The following HDLBP variants were observed in gnomAD, a reference collection of about 807,000 sequenced individuals.
The protein encoded by HDLBP is vigilin.
A neutral mutation model predicts 137.3 loss-of-function variants in HDLBP; 30 were observed. That is an observed-to-expected ratio of 0.22 (90% CI 0.16 to 0.30). The LOEUF (loss-of-function observed/expected upper bound fraction) is 0.30, where lower values mean the gene tolerates loss of function less well. Ranked by LOEUF, HDLBP falls within the 10% of genes least tolerant of loss-of-function variation. HDLBP has a pLI of 1.00. For synonymous variants in HDLBP, 606 were observed against 596.0 expected, an observed-to-expected ratio of 1.02 and a Z score of -0.24; for missense variants, 1,119 against 1,667.3, an observed-to-expected ratio of 0.67 and a Z score of 5.73.
At chr2:241,263,822 G>A (rs1351955595) in intron 4 of HDLBP, among the ~76,000 whole-genome samples, 1 of 152,082 alleles carries the variant, frequency 6.6e-6, no homozygotes, top group Non-Finnish European at 1.5e-5. Flanking sequence ...CAGAAAACAG[G>A]ACCCATTCAT....
At position 241,233,298 on chromosome 2, in the gene HDLBP, T is replaced by C. The variant is rs1038241229; in HGVS notation, c.3288+522A>G. Among the ~76,000 whole-genome samples the C allele has an allele frequency of 2.6e-5, 4 of 152,134 alleles. No individual in the cohort carries two copies. The highest frequency in any genetic ancestry group is 5.9e-5 in the Non-Finnish European group (4 of 68,012). On this transcript the variant is annotated intron_variant, in intron 24 of 27. Coordinates refer to ENST00000310931, the MANE Select transcript of HDLBP (RefSeq NM_005336.6). The surrounding 1 kb of genome is among the most constrained non-coding windows in gnomAD (Gnocchi z 4.3). Reference sequence around the variant, plus strand: ...AGAGAGGGGATGGGGCTGCCTTTCATTTTGTTCTGAGTGAAGCAGGAGGCC... The same window carrying C: ...AGAGAGGGGATGGGGCTGCCTTTCACTTTGTTCTGAGTGAAGCAGGAGGCC...
chr2:241,310,733 T>C (rs1324269484), intron 1 of HDLBP, among the ~76,000 whole-genome samples: 1 of 151,946 alleles, frequency 6.6e-6, no homozygotes, highest in African/African-American at 2.4e-5. Flanking sequence ...GAACATGAGT[T>C]GCAAATAAAC....
Position 241,238,823 on chromosome 2 carries a change from A to G in HDLBP, c.2611-36T>C. 1 of 1,484,254 alleles carries G rather than the reference A, an allele frequency of 6.7e-7. No individual in the cohort carries two copies. The highest frequency in any genetic ancestry group is 2.2e-5 in the Admixed American group (1 of 45,946). The allele number at this position is 1,484,254 out of a possible 1,614,324, so 91.9% of individuals were successfully genotyped here. On this transcript the variant is annotated intron_variant, in intron 19 of 27. Transcript: ENST00000310931. This position sits in a 1 kb window ranked among gnomAD's most constrained non-coding sequence, Gnocchi z 4.9. ...GTACACAAAGAAAAAAGAAAAGAGC[A>G]AAGATTAAATTCCTTAGGGCAAGTT...
chr2:241,264,720 G>T (rs2073515114), intron 3 of HDLBP, 115 bp from the exon 4 acceptor site: 5 of 1,007,624 alleles, frequency 5.0e-6, no homozygotes, highest in Non-Finnish European at 7.4e-6. Flanking sequence ...AATGCTCCAA[G>T]GACAACTCCC....
At position 241,272,410 on chromosome 2, in the gene HDLBP, G is replaced by C; in HGVS notation, c.-102-3869C>G. 1 of 984,462 alleles carries C rather than the reference G, an allele frequency of 1.0e-6. No individual in the cohort carries two copies. Among genetic ancestry groups the C allele is most frequent in the Non-Finnish European group, 1.2e-6 (1 of 829,594 alleles). The allele number at this position is 984,462 out of a possible 1,614,324, so 61.0% of individuals were successfully genotyped here. A position where few individuals can be genotyped will look rare whatever the true frequency, so the allele number is the denominator to read the frequency against. The stretch of plus-strand genomic sequence containing the variant: ...CGCGCCGTGCGGCCACGGCACCAGG[G>C]GTGCCCCACCGAAGCCCCGGGAGGA... On this transcript the variant is annotated intron_variant, in intron 1 of 27. Coordinates refer to ENST00000310931, the MANE Select transcript of HDLBP (RefSeq NM_005336.6). The surrounding 1 kb of genome is among the most constrained non-coding windows in gnomAD (Gnocchi z 5.6).
chr2:241,236,852 C>T, intron 20 of HDLBP, 83 bp from the exon 21 acceptor site: 1 of 1,455,886 alleles, frequency 6.9e-7, no homozygotes, highest in South Asian at 1.3e-5. Flanking sequence ...GTCTGTGAGG[C>T]ACCTGCTGGG....
At chr2:241,299,741 C>T (rs1437239835) in intron 1 of HDLBP, among the ~76,000 whole-genome samples, 2 of 151,860 alleles carry the variant, frequency 1.3e-5, no homozygotes, top group Admixed American at 6.6e-5. Context: ...CGGTGAAACC[C>T]TATCTCTACT....
At position 241,242,555 on chromosome 2, in the gene HDLBP, C is replaced by T. The variant is rs140921483; in HGVS notation, c.2074G>A (p.Val692Met). Residue 692 changes from valine to methionine, a missense_variant, in exon 17 of 28, where the codon GTG becomes ATG. By Grantham distance (21) the Val-to-Met change is conservative (BLOSUM62 1). Transcript: ENST00000310931. ...ACGGTGTCGCTTCCTGAACCTTCCA[C>T]GGGAAAGTGAATGTGGACCCCGCCG... ...ECGGVHIHFP[V>M]EGSGSDTVVI... 5.3e-5 allele frequency: 85 copies of T among 1,614,144 alleles called. No individual in the cohort carries two copies. Among genetic ancestry groups the T allele is most frequent in the Admixed American group, 1.3e-4 (8 of 60,014 alleles).
At chr2:241,236,448 T>C (rs2070456158) in intron 21 of HDLBP, 167 bp downstream of exon 21, 2 of 685,064 alleles carry the variant, frequency 2.9e-6, no homozygotes, top group South Asian at 1.8e-5. Context: ...CCAAACTCTG[T>C]GTCCAGCCGA....
chr2:241,288,819 A>C (rs1437192371), intron 1 of HDLBP, among the ~76,000 whole-genome samples: 1 of 152,250 alleles, frequency 6.6e-6, no homozygotes, highest in East Asian at 1.9e-4. Flanking sequence ...GGATGGGAAC[A>C]GAATGGCTGT....
At chr2:241,234,788 C>T (rs1178864333) in intron 23 of HDLBP, among the ~76,000 whole-genome samples, 1 of 152,234 alleles carries the variant, frequency 6.6e-6, no homozygotes, top group Non-Finnish European at 1.5e-5. Context: ...GATGCTCGTC[C>T]TCACTGCATA....
intron 21 of HDLBP, 174 bp downstream of exon 21, chr2:241,236,441 A>C (rs1225693197): frequency 3.0e-6 from 2 of 667,226 alleles, no homozygotes; most frequent in Non-Finnish European, 5.2e-6. Context: ...GGCCTCCCCA[A>C]ACTCTGTGTC....
At chr2:241,284,159 A>G (rs778457621) in intron 1 of HDLBP, among the ~76,000 whole-genome samples, 43 of 152,238 alleles carry the variant, frequency 2.8e-4, no homozygotes, top group Non-Finnish European at 5.4e-4. Flanking sequence ...TCTGCAGCCC[A>G]TGGATCAAGA....
chr2:241,268,501 G>A lies in HDLBP; in HGVS notation c.-62C>T. 1 of 985,918 alleles carries A rather than the reference G, an allele frequency of 1.0e-6. No individual in the cohort carries two copies. Among genetic ancestry groups the A allele is most frequent in the Non-Finnish European group, 1.2e-6 (1 of 829,956 alleles). 61.1% of individuals were successfully genotyped at this position (985,918 alleles called of 1,614,324 possible). The stretch of plus-strand genomic sequence containing the variant: ...CCAGCAAAACGGTCAGTAGCCAGAA[G>A]GTCCGTCCTGAGGCCGCCTCTGTCA... On this transcript the variant is annotated 5_prime_UTR_variant, in exon 2 of 28. Transcript: ENST00000310931.
chr2:241,265,972 G>A (rs973218991), intron 3 of HDLBP, among the ~76,000 whole-genome samples: 3 of 152,112 alleles, frequency 2.0e-5, no homozygotes, highest in African/African-American at 7.2e-5. Context: ...GTGTGACTAA[G>A]GAAAAGTTAA....
rs1365382789 is a variant in HDLBP, at chr2:241,256,580, G to C, written c.657+20C>G. 1.7e-5 allele frequency: 28 copies of C among 1,610,756 alleles called. No individual in the cohort carries two copies. Among genetic ancestry groups the C allele is most frequent in the Non-Finnish European group, 2.4e-5 (28 of 1,177,958 alleles). The stretch of plus-strand genomic sequence containing the variant: ...CACAAGCAGGTAGGCAGGGGCACGA[G>C]GCACTCACACAGGCCTCACCTGCTC... On this transcript the variant is annotated intron_variant, in intron 6 of 27. Coordinates refer to ENST00000310931, the MANE Select transcript of HDLBP (RefSeq NM_005336.6).
chr2:241,260,764 C>A (rs965942698), intron 5 of HDLBP, among the ~76,000 whole-genome samples: 1 of 152,190 alleles, frequency 6.6e-6, no homozygotes, highest in African/African-American at 2.4e-5. Context: ...GCACCACCTA[C>A]AGGGTCTTCT....
intron 1 of HDLBP, among the ~76,000 whole-genome samples, chr2:241,305,338 G>C (rs150912349): frequency 6.6e-6 from 1 of 152,134 alleles, no homozygotes; most frequent in Non-Finnish European, 1.5e-5. Context: ...GGACAGGCTG[G>C]TCTCGAACTC....
chr2:241,271,614 G>A (rs759805136), intron 1 of HDLBP, among the ~76,000 whole-genome samples: 1 of 152,136 alleles, frequency 6.6e-6, no homozygotes, highest in African/African-American at 2.4e-5. Context: ...ATATTCAAGG[G>A]GCAACAGTCT....
Sources: gnomAD v4.1 joint callset for allele counts (sites outside exome capture counted in the v4.1 genomes callset) on GRCh38, gnomAD v4.1.1 for gene constraint, Gnocchi (gnomAD v3.1) non-coding constraint, MANE v1.5 for transcripts, NCBI Gene and HGNC (gene_info 2026-07-23, HGNC 2026-07-21) for gene names.